The following SGCZ variants were observed in gnomAD, a reference collection of about 807,000 sequenced individuals.
SGCZ encodes the protein sarcoglycan zeta.
SGCZ carries 40 observed loss-of-function variants against 41.3 expected under a neutral mutation model. That is an observed-to-expected ratio of 0.97 (90% CI 0.75 to 1.26). The LOEUF is 1.26. Ranked by LOEUF, SGCZ falls within the 50% of genes most tolerant of loss-of-function variation. The pLI is 0.00. For missense variants in SGCZ, 552 were observed against 369.8 expected, an observed-to-expected ratio of 1.49 and a Z score of -4.04; for synonymous variants, 206 against 137.5, an observed-to-expected ratio of 1.50 and a Z score of -3.49.
intron 1 of SGCZ, among the ~76,000 whole-genome samples, chr8:14,880,925 G>A (rs1484518310): frequency 6.6e-6 from 1 of 151,606 alleles, no homozygotes; most frequent in Non-Finnish European, 1.5e-5. Flanking sequence ...TGCATGTTGT[G>A]CACATGTACC....
rs575765422 is a variant in SGCZ, at chr8:14,198,878, C to G, written c.425-34176G>C. Among the ~76,000 whole-genome samples, 11 of 152,296 alleles carry G rather than the reference C, an allele frequency of 7.2e-5. No individual in the cohort carries two copies. The East Asian group carries it at 1.4e-3, about 19-fold the overall frequency. ...ACTTATCACTTCCCCAATCAATACT[C>G]TTGTGATTTCCTATGGCTGTCTTTA... On this transcript the variant is annotated intron_variant, in intron 4 of 7. Coordinates refer to ENST00000382080, the MANE Select transcript of SGCZ (RefSeq NM_139167.4).
At chr8:14,272,547 T>A (rs954631784) in intron 3 of SGCZ, among the ~76,000 whole-genome samples, 4 of 152,086 alleles carry the variant, frequency 2.6e-5, no homozygotes, top group Non-Finnish European at 4.4e-5. Flanking sequence ...GAACTTGGAG[T>A]TGTCAGTGAA....
intron 1 of SGCZ, among the ~76,000 whole-genome samples, chr8:14,792,435 C>T (rs1417753286): frequency 1.3e-5 from 2 of 152,172 alleles, no homozygotes; most frequent in Admixed American, 6.5e-5. Context: ...CTCTATTCAA[C>T]TCTTTCCATT....
At chr8:14,359,820 A>AAC (rs1367409043) in intron 2 of SGCZ, among the ~76,000 whole-genome samples, 2 of 152,122 alleles carry the variant, frequency 1.3e-5, no homozygotes, top group African/African-American at 4.8e-5. Flanking sequence ...AAAAAGAAAA[A>AAC]AAAAAAAAAC....
intron 4 of SGCZ, among the ~76,000 whole-genome samples, chr8:14,228,367 A>G (rs1806446839): frequency 6.6e-6 from 1 of 152,086 alleles, no homozygotes; most frequent in Non-Finnish European, 1.5e-5. Flanking sequence ...GAGAAAATTT[A>G]AAGCCACTCC....
chr8:14,958,610 T>A (rs1365779856), intron 1 of SGCZ, among the ~76,000 whole-genome samples: 1 of 152,076 alleles, frequency 6.6e-6, no homozygotes, highest in Non-Finnish European at 1.5e-5. Context: ...TTCTAGGTGG[T>A]CCAGTCTACA....
rs144542032 is a variant in SGCZ, at chr8:15,121,139, G to A, written c.39+116446C>T. On this transcript the variant is annotated intron_variant, in intron 1 of 7. Transcript: ENST00000382080. ...TTAGTATTCGCACTCAATGTATGAT[G>A]CAATTCCATCTTACCCTTCTTTGGT... Among the ~76,000 whole-genome samples, 17 of 152,260 alleles carry A rather than the reference G, an allele frequency of 1.1e-4. No homozygotes were observed. The East Asian group carries it at 3.1e-3, about 28-fold the overall frequency.
At chr8:14,150,996 A>G (rs1803690712) in intron 5 of SGCZ, among the ~76,000 whole-genome samples, 1 of 152,170 alleles carries the variant, frequency 6.6e-6, no homozygotes, top group Admixed American at 6.5e-5. Context: ...TCATGAACAT[A>G]GTAAAACGAT....
chr8:14,109,814 C>T (rs1040937476), intron 5 of SGCZ, among the ~76,000 whole-genome samples: 3 of 151,858 alleles, frequency 2.0e-5, no homozygotes, highest in African/African-American at 7.3e-5. Context: ...TATATGATTT[C>T]ATCTATATTA....
chr8:14,119,692 G>A (rs1367663758), intron 5 of SGCZ, among the ~76,000 whole-genome samples: 1 of 152,096 alleles, frequency 6.6e-6, no homozygotes, highest in African/African-American at 2.4e-5. Context: ...GATATTAGCT[G>A]TGGGTTTGTC....
At chr8:14,504,220 A>G (rs1325325891) in intron 2 of SGCZ, among the ~76,000 whole-genome samples, 1 of 152,242 alleles carries the variant, frequency 6.6e-6, no homozygotes, top group Non-Finnish European at 1.5e-5. Context: ...TGTCATCTTC[A>G]GATTGCTTTG....
At chr8:15,036,309 C>T (rs1255002660) in intron 1 of SGCZ, among the ~76,000 whole-genome samples, 2 of 151,832 alleles carry the variant, frequency 1.3e-5, no homozygotes, top group Admixed American at 6.6e-5. Context: ...TCTGAATAGA[C>T]CAATAAAGAG....
At chr8:14,501,152 T>C (rs991030918) in intron 2 of SGCZ, among the ~76,000 whole-genome samples, 17 of 152,054 alleles carry the variant, frequency 1.1e-4, no homozygotes, top group African/African-American at 4.1e-4. Context: ...CCCTGTGGGA[T>C]CATGGCCCCT....
intron 5 of SGCZ, among the ~76,000 whole-genome samples, chr8:14,145,714 G>A (rs889258312): frequency 3.3e-5 from 5 of 152,124 alleles, no homozygotes; most frequent in Admixed American, 2.0e-4. Context: ...ACACAGATAA[G>A]GAATTCAGAA....
rs534761257 is a variant in SGCZ at position 14,343,251 on chromosome 8, C to T, written c.235-19047G>A. 9.6e-4 allele frequency among the ~76,000 whole-genome samples: 146 copies of T among 152,256 alleles called. 1 individual carries two copies. The highest frequency in any genetic ancestry group is 3.5e-3 in the African/African-American group (144 of 41,566). ...CAGAAGGGAAATGTGGGGTCAGAGC[C>T]CCCACACAGAGTTCCTACTGGGGCA... On this transcript the variant is annotated intron_variant, in intron 2 of 7. Transcript: ENST00000382080.
intron 4 of SGCZ, among the ~76,000 whole-genome samples, chr8:14,197,457 G>T (rs1194471538): frequency 6.6e-6 from 1 of 151,890 alleles, no homozygotes; most frequent in East Asian, 1.9e-4. Context: ...ATACATCATA[G>T]ATAATGTTGT....
At position 14,089,067 on chromosome 8, in the gene SGCZ, A is replaced by T. The variant is rs542984603; in HGVS notation, c.*1376T>A. Among the ~76,000 whole-genome samples the T allele has an allele frequency of 6.6e-6, 1 of 152,138 alleles. No individual in the cohort carries two copies. The highest frequency in any genetic ancestry group is 1.9e-4 in the East Asian group (1 of 5,148). On this transcript the variant is annotated 3_prime_UTR_variant, in exon 8 of 8. Transcript: ENST00000382080. ...ACAGTTTTACATTCTTTGACTCTGTAAGTTTCAAGAGTTTGAGTTAAGGGG... is the reference window on the plus strand; with the variant it reads ...ACAGTTTTACATTCTTTGACTCTGTTAGTTTCAAGAGTTTGAGTTAAGGGG...
At chr8:14,634,796 T>C (rs1806774522) in intron 1 of SGCZ, among the ~76,000 whole-genome samples, 1 of 151,894 alleles carries the variant, frequency 6.6e-6, no homozygotes, top group African/African-American at 2.4e-5. Flanking sequence ...GAATAAAGAA[T>C]TACTTTCCAG....
At position 14,686,513 on chromosome 8, in the gene SGCZ, G is replaced by T. The variant is rs377005151; in HGVS notation, c.40-131587C>A. 2.2e-4 allele frequency among the ~76,000 whole-genome samples: 33 copies of T among 152,176 alleles called. No homozygotes were observed. In the South Asian group the frequency reaches 6.6e-3, roughly 31 times the overall value. On this transcript the variant is annotated intron_variant, in intron 1 of 7. Coordinates refer to ENST00000382080, the MANE Select transcript of SGCZ (RefSeq NM_139167.4). ...GAAGGTAGTTGGAATTGATAAATTG[G>T]TCACTAAGGCATATAGATTTAAAAG... is the stretch of plus-strand genomic sequence containing the variant.
Sources: allele counts gnomAD v4.1 joint callset (sites outside exome capture counted in the v4.1 genomes callset), GRCh38; gene constraint gnomAD v4.1.1; transcripts MANE v1.5; gene names NCBI Gene and HGNC (gene_info 2026-07-23, HGNC 2026-07-21).